Variants in DRAM1 observed in about 807,000 individuals in gnomAD.
DRAM1 encodes DNA damage regulated autophagy modulator 1, also known as DNA damage-regulated autophagy modulator protein 1.
A neutral mutation model predicts 28.5 loss-of-function variants in DRAM1; 25 were observed. That is an observed-to-expected ratio of 0.88 (90% CI 0.64 to 1.23). The LOEUF is 1.23. Among genes scored for constraint, DRAM1 ranks in the 50% most tolerant of loss-of-function variants. The probability of loss-of-function intolerance (pLI) is 0.00; values close to 1 mark genes in which losing one functional copy is unlikely to be tolerated. For synonymous variants in DRAM1, 113 were observed against 114.2 expected (o/e 0.99, Z 0.07); for missense variants, 249 against 299.2 (o/e 0.83, Z 1.24).
Position 101,883,314 on chromosome 12 carries a change from G to GTT in DRAM1, c.131+5410_131+5411dup, listed in dbSNP as rs1225341398. Among the ~76,000 whole-genome samples, 72 of 109,108 alleles carry GTT rather than the reference G, an allele frequency of 6.6e-4. 2 individuals carry two copies. The highest frequency in any genetic ancestry group is 4.5e-3 in the Middle Eastern group (1 of 222). The allele number at this position is 109,108 out of a possible 152,430, so 71.6% of individuals were successfully genotyped here. ...TTTGTTTTATTTTTTACCCAAATAG[G>GTT]TTTTTTTTTTTTTTTTTGAGATGGA... On this transcript the variant is annotated intron_variant, in intron 1 of 6. Coordinates refer to ENST00000258534, the MANE Select transcript of DRAM1 (RefSeq NM_018370.3).
intron 2 of DRAM1, 79 bp from the exon 3 acceptor site, chr12:101,901,212 A>G (rs1873588561): frequency 2.0e-6 from 3 of 1,507,014 alleles, no homozygotes; most frequent in Non-Finnish European, 1.8e-6. Context: ...ATTTTTAAAA[A>G]GTGATACAAA....
intron 1 of DRAM1, among the ~76,000 whole-genome samples, chr12:101,883,467 C>CCA (rs1214859519): frequency 1.3e-5 from 2 of 151,458 alleles, no homozygotes; most frequent in African/African-American, 4.8e-5. Flanking sequence ...GCACGTGCCA[C>CCA]CACACCTGGC....
At chr12:101,891,807 A>G (rs1446363501) in intron 1 of DRAM1, among the ~76,000 whole-genome samples, 1 of 152,216 alleles carries the variant, frequency 6.6e-6, no homozygotes, top group African/African-American at 2.4e-5. Flanking sequence ...GCACTGCAGA[A>G]ACTGTGTGGT....
chr12:101,878,139 G>A (rs1872562664), intron 1 of DRAM1, among the ~76,000 whole-genome samples: 1 of 152,116 alleles, frequency 6.6e-6, no homozygotes, highest in African/African-American at 2.4e-5. Context: ...CATGGAACAG[G>A]GTGGCAGCAA....
chr12:101,878,033 G>A, intron 1 of DRAM1, 113 bp downstream of exon 1: 2 of 1,324,964 alleles, frequency 1.5e-6, no homozygotes, highest in African/African-American at 1.5e-5. Flanking sequence ...GTGTGGTCAG[G>A]CAGAGGTGGG....
intron 1 of DRAM1, among the ~76,000 whole-genome samples, chr12:101,888,418 A>G (rs1394950619): frequency 6.6e-6 from 1 of 152,196 alleles, no homozygotes; most frequent in African/African-American, 2.4e-5. Flanking sequence ...GGCATGAGCC[A>G]CTGTGCCTGG....
chr12:101,907,560 G>T (rs1237655332), intron 3 of DRAM1, among the ~76,000 whole-genome samples: 1 of 151,850 alleles, frequency 6.6e-6, no homozygotes, highest in Non-Finnish European at 1.5e-5. Context: ...CCAACATGGC[G>T]AAACCCCGTC....
intron 6 of DRAM1, among the ~76,000 whole-genome samples, chr12:101,920,462 A>C (rs1166223487): frequency 6.6e-6 from 1 of 152,140 alleles, no homozygotes; most frequent in Non-Finnish European, 1.5e-5. Context: ...GTGTTAGCTT[A>C]TTCCCAATGG....
intron 1 of DRAM1, among the ~76,000 whole-genome samples, chr12:101,885,409 T>G (rs751880165): frequency 1.3e-5 from 2 of 152,070 alleles, no homozygotes; most frequent in Non-Finnish European, 2.9e-5. Flanking sequence ...CAGAAGCAGG[T>G]TGTCTGTGAA....
intron 1 of DRAM1, among the ~76,000 whole-genome samples, chr12:101,886,158 G>A (rs527813865): frequency 6.6e-6 from 1 of 152,226 alleles, no homozygotes; most frequent in South Asian, 2.1e-4. Flanking sequence ...GAAGATTTGC[G>A]GTCCCAGTTT....
intron 1 of DRAM1, among the ~76,000 whole-genome samples, chr12:101,894,599 A>G (rs1301824832): frequency 3.3e-5 from 5 of 152,038 alleles, no homozygotes; most frequent in Non-Finnish European, 7.4e-5. Flanking sequence ...ATAGAACACG[A>G]CCCTGGAATT....
chr12:101,887,620 T>G (rs1340169230), intron 1 of DRAM1, among the ~76,000 whole-genome samples: 1 of 151,656 alleles, frequency 6.6e-6, no homozygotes, highest in East Asian at 1.9e-4. Context: ...AACCTCTGCC[T>G]CCTGGGCTCA....
intron 1 of DRAM1, among the ~76,000 whole-genome samples, chr12:101,892,112 G>A (rs1425812061): frequency 1.3e-5 from 2 of 152,040 alleles, no homozygotes; most frequent in Non-Finnish European, 2.9e-5. Context: ...TATGTATGCT[G>A]TCCAAAAAAG....
intron 4 of DRAM1, among the ~76,000 whole-genome samples, chr12:101,912,677 G>C (rs1413569588): frequency 6.6e-6 from 1 of 151,910 alleles, no homozygotes; most frequent in Non-Finnish European, 1.5e-5. Flanking sequence ...GGAGTTAAGA[G>C]AGATGACGCT....
chr12:101,891,960 C>T (rs538511674), intron 1 of DRAM1, among the ~76,000 whole-genome samples: 55 of 152,144 alleles, frequency 3.6e-4, no homozygotes, highest in Non-Finnish European at 7.4e-4. Context: ...CTACCTCTGC[C>T]CTTGCATGAT....
intron 1 of DRAM1, among the ~76,000 whole-genome samples, chr12:101,886,286 CTCCATTATGTGT>C (rs1179073367): frequency 6.6e-6 from 1 of 152,188 alleles, no homozygotes; most frequent in Non-Finnish European, 1.5e-5. Context: ...TAGGGTATGG[CTCCATTATGTGT>C]TCCAGCTGTA....
intron 2 of DRAM1, among the ~76,000 whole-genome samples, chr12:101,899,685 A>AG (rs1268309673): frequency 2.6e-5 from 4 of 151,330 alleles, no homozygotes; most frequent in African/African-American, 9.7e-5. Context: ...TCTCCACAAA[A>AG]AAAAAAAAAA....
intron 1 of DRAM1, among the ~76,000 whole-genome samples, chr12:101,882,201 C>T (rs1034818959): frequency 3.3e-5 from 5 of 149,316 alleles, no homozygotes; most frequent in African/African-American, 9.8e-5. Flanking sequence ...CTCCGCCTCC[C>T]GGGTTCACGC....
At chr12:101,884,140 A>G (rs904264858) in intron 1 of DRAM1, among the ~76,000 whole-genome samples, 17 of 152,186 alleles carry the variant, frequency 1.1e-4, no homozygotes, top group Non-Finnish European at 2.5e-4. Flanking sequence ...TAATCCCAGC[A>G]CTTTGGGAGG....
Sources: gnomAD v4.1 joint callset for allele counts (sites outside exome capture counted in the v4.1 genomes callset) on GRCh38, gnomAD v4.1.1 for gene constraint, MANE v1.5 for transcripts, NCBI Gene and HGNC (gene_info 2026-07-23, HGNC 2026-07-21) for gene names.